Variants in OXR1 observed in about 807,000 individuals in gnomAD.
OXR1 encodes the protein oxidation resistance 1.
OXR1 carries 41 observed loss-of-function variants against 104.6 expected under a neutral mutation model. The ratio of observed to expected loss-of-function variants is 0.39; its 90% CI spans 0.31 to 0.51. The LOEUF is 0.51. Among genes scored for constraint, OXR1 ranks in the 20% least tolerant of loss-of-function variants. The probability of loss-of-function intolerance (pLI) is 0.77; values close to 1 mark genes in which losing one functional copy is unlikely to be tolerated. For missense variants in OXR1, 955 were observed against 1,031.9 expected (o/e 0.93, Z 1.02); for synonymous variants, 348 against 348.4 (o/e 1.00, Z 0.01).
intron 2 of OXR1, among the ~76,000 whole-genome samples, chr8:106,517,162 A>C (rs908495393): frequency 6.6e-6 from 1 of 152,196 alleles, no homozygotes; most frequent in Non-Finnish European, 1.5e-5. Flanking sequence ...ACAAAACATT[A>C]CCAGAATCCC....
At chr8:106,342,627 C>A (rs1210528252) in intron 1 of OXR1, among the ~76,000 whole-genome samples, 1 of 152,036 alleles carries the variant, frequency 6.6e-6, no homozygotes, top group East Asian at 1.9e-4. Context: ...CTGTATTTCA[C>A]CTCTGGGTTG....
intron 1 of OXR1, among the ~76,000 whole-genome samples, chr8:106,289,040 A>G (rs1342210895): frequency 6.6e-6 from 1 of 152,150 alleles, no homozygotes; most frequent in Non-Finnish European, 1.5e-5. Context: ...AATAGGAGAC[A>G]TCTATGACGA....
At chr8:106,562,253 T>C (rs1223068748) in intron 3 of OXR1, among the ~76,000 whole-genome samples, 2 of 152,020 alleles carry the variant, frequency 1.3e-5, no homozygotes, top group African/African-American at 4.8e-5. Context: ...TGGCTATCTA[T>C]AATACCCGTT....
At chr8:106,379,925 T>A (rs1413407322) in intron 2 of OXR1, among the ~76,000 whole-genome samples, 1 of 152,206 alleles carries the variant, frequency 6.6e-6, no homozygotes, top group Non-Finnish European at 1.5e-5. Flanking sequence ...TATTTTTTAA[T>A]ATAACAGCTT....
Position 106,328,054 on chromosome 8 carries a change from A to G in OXR1, c.-138-31422A>G, listed in dbSNP as rs147309690. On this transcript the variant is annotated intron_variant, in intron 1 of 16. Coordinates refer to ENST00000517566, the MANE Select transcript of OXR1 (RefSeq NM_001198533.2). ...TTCAAATGATATCACTAGGATGCTG[A>G]CTGTCTGTGCATTTCTCTCACTTCA... 2.2e-3 allele frequency among the ~76,000 whole-genome samples: 341 copies of G among 152,290 alleles called. 2 individuals carry two copies. Among genetic ancestry groups the G allele is most frequent in the African/African-American group, 7.9e-3 (327 of 41,564 alleles).
chr8:106,594,897 C>T lies in OXR1; in HGVS notation c.220+75758C>T, dbSNP rs112479560. ...GAAATTGGCAGGGGAATTGTTGGAA[C>T]TGGAAAGTATCAGAGTGATGAAAGA... On this transcript the variant is annotated intron_variant, in intron 3 of 16. Transcript: ENST00000517566. 5.1e-3 allele frequency among the ~76,000 whole-genome samples: 777 copies of T among 152,138 alleles called. 2 individuals carry two copies. The highest frequency in any genetic ancestry group is 7.8e-3 in the Non-Finnish European group (533 of 68,014).
intron 2 of OXR1, among the ~76,000 whole-genome samples, chr8:106,491,457 T>A (rs943458439): frequency 6.6e-6 from 1 of 152,228 alleles, no homozygotes; most frequent in African/African-American, 2.4e-5. Flanking sequence ...TTTTAACTAA[T>A]CTGAAATAGA....
intron 2 of OXR1, among the ~76,000 whole-genome samples, chr8:106,379,180 G>A (rs1205637736): frequency 2.0e-5 from 3 of 152,078 alleles, no homozygotes; most frequent in Non-Finnish European, 4.4e-5. Context: ...AGAAATTCTG[G>A]GATGGCATTC....
chr8:106,626,398 C>T (rs1436974256), intron 3 of OXR1, among the ~76,000 whole-genome samples: 1 of 151,442 alleles, frequency 6.6e-6, no homozygotes, highest in South Asian at 2.1e-4. Flanking sequence ...TATTTCTACA[C>T]ATGTCATTCT....
At chr8:106,404,140 C>A (rs1818117652) in intron 2 of OXR1, among the ~76,000 whole-genome samples, 1 of 152,054 alleles carries the variant, frequency 6.6e-6, no homozygotes, top group Admixed American at 6.6e-5. Context: ...AATCAATTCA[C>A]CTGGGGGTAG....
intron 3 of OXR1, among the ~76,000 whole-genome samples, chr8:106,526,459 G>A (rs934001356): frequency 6.6e-6 from 1 of 152,254 alleles, no homozygotes; most frequent in Admixed American, 6.5e-5. Context: ...AATGAATAAG[G>A]AGTGTGGATT....
chr8:106,625,849 T>C (rs1822105372), intron 3 of OXR1, among the ~76,000 whole-genome samples: 1 of 152,210 alleles, frequency 6.6e-6, no homozygotes, highest in Non-Finnish European at 1.5e-5. Flanking sequence ...CTATTTTTCA[T>C]ATATTTACTT....
chr8:106,383,068 G>A (rs1586588736), intron 2 of OXR1, among the ~76,000 whole-genome samples: 1 of 152,006 alleles, frequency 6.6e-6, no homozygotes, highest in African/African-American at 2.4e-5. Context: ...AGAAAGGAAA[G>A]ATTGGTAACC....
intron 3 of OXR1, among the ~76,000 whole-genome samples, chr8:106,670,746 T>A (rs956227677): frequency 6.6e-6 from 1 of 152,036 alleles, no homozygotes; most frequent in African/African-American, 2.4e-5. Flanking sequence ...AGAAGGTAAG[T>A]TCAATACAAG....
intron 3 of OXR1, among the ~76,000 whole-genome samples, chr8:106,547,869 T>C (rs1815496841): frequency 6.6e-6 from 1 of 152,222 alleles, no homozygotes; most frequent in South Asian, 2.1e-4. Flanking sequence ...ACTCCATTCA[T>C]TTGTCAATGG....
At chr8:106,702,402 A>C (rs775986524) in intron 7 of OXR1, among the ~76,000 whole-genome samples, 6 of 152,192 alleles carry the variant, frequency 3.9e-5, no homozygotes, top group Non-Finnish European at 7.4e-5. Flanking sequence ...CTCCTTGCCC[A>C]AGGTCACAAA....
intron 2 of OXR1, among the ~76,000 whole-genome samples, chr8:106,456,333 C>A (rs972019145): frequency 6.6e-6 from 1 of 152,034 alleles, no homozygotes; most frequent in Non-Finnish European, 1.5e-5. Flanking sequence ...TTGTTGTTTC[C>A]TGAATAGCTT....
Position 106,626,041 on chromosome 8 carries a change from G to GTT in OXR1, c.221-53166_221-53165dup, listed in dbSNP as rs1208917888. Among the ~76,000 whole-genome samples the GTT allele has an allele frequency of 3.7e-4, 37 of 99,864 alleles. No individual in the cohort carries two copies. In the East Asian group the frequency reaches 0.012, roughly 31 times the overall value. The allele number at this position is 99,864 out of a possible 152,430, so 65.5% of individuals were successfully genotyped here. On this transcript the variant is annotated intron_variant, in intron 3 of 16. Coordinates refer to ENST00000517566, the MANE Select transcript of OXR1 (RefSeq NM_001198533.2). ...GAAGTACTATTGTGCTCTGTTCTGC[G>GTT]TTTTGTGTGTGTGTGTGTGTGTGTG...
intron 6 of OXR1, among the ~76,000 whole-genome samples, chr8:106,686,351 C>T (rs1281212304): frequency 1.3e-5 from 2 of 149,696 alleles, no homozygotes; most frequent in Admixed American, 6.7e-5. Flanking sequence ...GAATGATACT[C>T]TTTACCTGCC....
Sources: gnomAD v4.1 joint callset for allele counts (sites outside exome capture counted in the v4.1 genomes callset) on GRCh38, gnomAD v4.1.1 for gene constraint, MANE v1.5 for transcripts, NCBI Gene and HGNC (gene_info 2026-07-23, HGNC 2026-07-21) for gene names.